Variants in DLL1 observed in about 807,000 individuals in gnomAD.
DLL1 encodes the protein delta like canonical Notch ligand 1.
In DLL1, 9 loss-of-function variants were observed where a neutral mutation model predicts 75.1. That is an observed-to-expected ratio of 0.12 (90% confidence interval 0.07 to 0.21). The LOEUF (loss-of-function observed/expected upper bound fraction) is 0.21. Among genes scored for constraint, DLL1 ranks in the 10% least tolerant of loss-of-function variants. DLL1 has a pLI of 1.00. For synonymous variants in DLL1, 477 were observed against 418.3 expected (o/e 1.14, Z -1.71); for missense variants, 837 against 1,007.6 (o/e 0.83, Z 2.29).
chr6:170,290,109 C>A lies in DLL1; in HGVS notation c.31G>T (p.Val11Leu). The A allele has an allele frequency of 6.3e-7, 1 of 1,592,090 alleles. No individual in the cohort carries two copies. Among genetic ancestry groups the A allele is most frequent in the Non-Finnish European group, 8.5e-7 (1 of 1,177,142 alleles). Reference protein sequence around the residue: MGSRCALALAVLSALLCQVWS... With the variant: MGSRCALALALLSALLCQVWS... ...ACCTGACACAGCAAGGCCGAGAGCA[C>A]CGCCAGGGCCAGCGCGCACCGACTG... is the stretch of plus-strand genomic sequence containing the variant. The change falls in exon 1 of 11, where the codon GTG (valine) becomes TTG (leucine). Residue 11 changes from valine (V) to leucine (L), a missense_variant. This residue lies in a region of DLL1 where 304 missense variants were observed against 461.9 expected (regional missense o/e 0.66). Transcript: ENST00000366756. The surrounding 1 kb of genome is among the most constrained non-coding windows in gnomAD (Gnocchi z 4.7).
In DLL1 at chr6:170,285,317, G is replaced by T. The variant is rs1401212987; in HGVS notation, c.969C>A (p.Ala323=). Residue 323 remains alanine, a synonymous_variant, in exon 7 of 11, where the codon GCC becomes GCA. Coordinates refer to ENST00000366756, the MANE Select transcript of DLL1 (RefSeq NM_005618.4). ...TCSCRPGYTG[A]TCELGIDECD... is the part of the protein sequence containing the mutation. ...ACTCGTCAATCCCCAGCTCGCAGGT[G>T]GCACCTGTGTACCCAGGCCGGCAAG... The T allele has an allele frequency of 1.2e-6, 2 of 1,614,168 alleles. No individual in the cohort carries two copies. Among genetic ancestry groups the T allele is most frequent in the Non-Finnish European group, 1.7e-6 (2 of 1,180,034 alleles).
At position 170,283,080 on chromosome 6, in the gene DLL1, G is replaced by A. The variant is rs933645429; in HGVS notation, c.2074C>T (p.Pro692Ser). The change falls in exon 10 of 11, where the codon CCG (proline) becomes TCG (serine). Residue 692 changes from proline (P) to serine (S), a missense_variant. Pro to Ser is a moderately conservative substitution (Grantham distance 74). Around this residue, in one of 2 missense-constraint regions of DLL1, gnomAD observed 533 missense variants for 545.7 expected, o/e 0.98. Coordinates refer to ENST00000366756, the MANE Select transcript of DLL1 (RefSeq NM_005618.4). Reference protein sequence around the residue: ...RGGEASERKRPDSGCSTSKDT... With the variant: ...RGGEASERKRSDSGCSTSKDT... ...TTTGAAGTTGAACAGCCCGAGTCCGGCCTTTTTCTTTCAGATGCTTCTCCA... is the reference window on the plus strand; with the variant it reads ...TTTGAAGTTGAACAGCCCGAGTCCGACCTTTTTCTTTCAGATGCTTCTCCA... 2 of 1,614,128 alleles carry A rather than the reference G, an allele frequency of 1.2e-6. No individual in the cohort carries two copies. The highest frequency in any genetic ancestry group is 1.7e-6 in the Non-Finnish European group (2 of 1,180,046).
chr6:170,284,312 G>C (rs1413144665), intron 8 of DLL1, among the ~76,000 whole-genome samples: 2 of 152,158 alleles, frequency 1.3e-5, no homozygotes, highest in African/African-American at 4.8e-5. Context: ...CCGGGCAAGA[G>C]CATGTGCCAC....
rs1047013032 is a variant in DLL1, at chr6:170,282,714, C to T, written c.*160G>A. The T allele has an allele frequency of 8.1e-5, 100 of 1,231,282 alleles. 1 individual carries two copies. The highest frequency in any genetic ancestry group is 4.6e-4 in the Admixed American group (26 of 56,610). 76.3% of individuals were successfully genotyped at this position (1,231,282 alleles called of 1,614,324 possible). A position where few individuals can be genotyped will look rare whatever the true frequency, so the allele number is the denominator to read the frequency against. On this transcript the variant is annotated 3_prime_UTR_variant, in exon 11 of 11. Transcript: ENST00000366756. ...CGGGCCGCGACAGGCTGTCGGCAGG[C>T]GTCGAGGACCTCAGGAGGAGAACCT...
In DLL1 at chr6:170,282,565, T is replaced by A. The variant is rs948413949; in HGVS notation, c.*309A>T. On this transcript the variant is annotated 3_prime_UTR_variant, in exon 11 of 11. Coordinates refer to ENST00000366756, the MANE Select transcript of DLL1 (RefSeq NM_005618.4). ...AAGACTGGCTCATAAGAATCCAAAA[T>A]ATACACTCAGGCAGTGCATGCTTCT... is the stretch of plus-strand genomic sequence containing the variant. The A allele has an allele frequency of 2.8e-5, 15 of 543,654 alleles. No homozygotes were observed. Among genetic ancestry groups the A allele is most frequent in the Admixed American group, 1.3e-4 (4 of 30,024 alleles). The allele number at this position is 543,654 out of a possible 1,614,324, so 33.7% of individuals were successfully genotyped here. A position where few individuals can be genotyped will look rare whatever the true frequency, so the allele number is the denominator to read the frequency against.
chr6:170,283,812 G>C lies in DLL1; in HGVS notation c.1467C>G (p.Pro489=). ...SAPVSRCEHA[P]CHNGATCHER... ...CGTGGCAGGTGGCCCCATTGTGGCAGGGTGCGTGCTCGCACCTGCTGACGG... is the reference window on the plus strand; with the variant it reads ...CGTGGCAGGTGGCCCCATTGTGGCACGGTGCGTGCTCGCACCTGCTGACGG... The change falls in exon 9 of 11, where the codon CCC becomes CCG. Residue 489 remains proline (P), a synonymous_variant. Coordinates refer to ENST00000366756, the MANE Select transcript of DLL1 (RefSeq NM_005618.4). 3 of 1,594,280 alleles carry C rather than the reference G, an allele frequency of 1.9e-6. No homozygotes were observed. The highest frequency in any genetic ancestry group is 1.7e-6 in the Non-Finnish European group (2 of 1,173,716).
chr6:170,290,169 G>C lies in DLL1; in HGVS notation c.-30C>G. The C allele has an allele frequency of 6.3e-7, 1 of 1,587,166 alleles. No homozygotes were observed. ...CTTCGCTCCACGCGCGAGCCTGGGG[G>C]GCCCCCACTTCTCTCCTTAGAACAG... On this transcript the variant is annotated 5_prime_UTR_variant, in exon 1 of 11. Coordinates refer to ENST00000366756, the MANE Select transcript of DLL1 (RefSeq NM_005618.4). This position sits in a 1 kb window ranked among gnomAD's most constrained non-coding sequence, Gnocchi z 4.7.
chr6:170,289,760 T>G lies in DLL1; in HGVS notation c.103A>C (p.Lys35Gln), dbSNP rs759669321. Residue 35 changes from lysine to glutamine, a missense_variant, in exon 2 of 11, where the codon AAG becomes CAG. Around this residue, in one of 2 missense-constraint regions of DLL1, gnomAD observed 304 missense variants for 461.9 expected, o/e 0.66. Transcript: ENST00000366756. ...FELKLQEFVN[K>Q]KGLLGNRNCC... The stretch of plus-strand genomic sequence containing the variant: ...TTGCGGTTCCCCAGCAGCCCCTTCT[T>G]GTTGACGAACTCCTGCAGCTTCAGT... 3.9e-6 allele frequency: 6 copies of G among 1,554,578 alleles called. No homozygotes were observed. In the African/African-American group the frequency reaches 8.2e-5, roughly 21 times the overall value.
rs1202514390 is a variant in DLL1, at chr6:170,285,592, C to G, written c.839G>C (p.Trp280Ser). ...ACCCTGGTTGCAGAAAAGGCCCCCC[C>G]AGCCTTCCTGGCAGTTGCACTGCCA... ...QPWQCNCQEG[W>S]GGLFCNQDLN... Residue 280 changes from tryptophan to serine, a missense_variant, in exon 6 of 11, where the codon TGG (tryptophan) becomes TCG (serine). Coordinates refer to ENST00000366756, the MANE Select transcript of DLL1 (RefSeq NM_005618.4). 2 of 1,614,098 alleles carry G rather than the reference C, an allele frequency of 1.2e-6. No homozygotes were observed. The highest frequency in any genetic ancestry group is 1.7e-6 in the Non-Finnish European group (2 of 1,180,028).
At chr6:170,289,452 C>A in intron 2 of DLL1, 60 bp downstream of exon 2, 1 of 1,521,548 alleles carries the variant, frequency 6.6e-7, no homozygotes, top group Non-Finnish European at 8.8e-7. Flanking sequence ...GGGATCCCAG[C>A]GCGTCCTGCA....
intron 4 of DLL1, among the ~76,000 whole-genome samples, chr6:170,287,951 G>A (rs1783740501): frequency 6.6e-6 from 1 of 152,104 alleles, no homozygotes; most frequent in African/African-American, 2.4e-5. Context: ...GGGTAGCACT[G>A]GCTTTACTTC....
At position 170,282,806 on chromosome 6, in the gene DLL1, T is replaced by TG. The variant is rs1783588398; in HGVS notation, c.*67dup. 3 of 1,611,848 alleles carry TG rather than the reference T, an allele frequency of 1.9e-6. No individual in the cohort carries two copies. Among genetic ancestry groups the TG allele is most frequent in the Non-Finnish European group, 2.5e-6 (3 of 1,179,000 alleles). ...CTCCCTCCTCTTCAGCAGCATTCGT[T>TG]GGGGCATATATCCTTGGAATTTTAC... is the stretch of plus-strand genomic sequence containing the variant. On this transcript the variant is annotated 3_prime_UTR_variant, in exon 11 of 11. Transcript: ENST00000366756.
rs1783660540 is a variant in DLL1, at chr6:170,284,913, C to T, written c.1249+6G>A. ...GTCTCTGAGCAATCACCAGCTGCCC[C>T]CTTACCATTAGAACAGGGTGAAGAG... On this transcript the variant is annotated splice_donor_region_variant and intron_variant, in intron 8 of 10. Transcript: ENST00000366756. 1.9e-6 allele frequency: 3 copies of T among 1,613,492 alleles called. No homozygotes were observed. The highest frequency in any genetic ancestry group is 2.5e-6 in the Non-Finnish European group (3 of 1,179,984).
chr6:170,288,071 C>G (rs975146872), intron 4 of DLL1, 168 bp downstream of exon 4: 7 of 971,264 alleles, frequency 7.2e-6, no homozygotes, highest in African/African-American at 1.6e-5. Flanking sequence ...CCAACCCCCC[C>G]ACTGACGAGC....
rs372640222 is a variant in DLL1 at position 170,285,012 on chromosome 6, C to T, written c.1156G>A (p.Asp386Asn). Residue 386 changes from aspartate (D) to asparagine (N), a missense_variant, in exon 8 of 11, where the codon GAT becomes AAT. This residue lies in a region of DLL1 where 533 missense variants were observed against 545.7 expected (regional missense o/e 0.98). Transcript: ENST00000366756. ...FNGGRCSDSP[D>N]GGYSCRCPVG... The stretch of plus-strand genomic sequence containing the variant: ...GGGCAGCGGCAGCTGTACCCTCCAT[C>T]GGGGCTGTCTGAGCACCGACCCCCG... The T allele has an allele frequency of 1.6e-5, 26 of 1,614,008 alleles. No individual in the cohort carries two copies. Among genetic ancestry groups the T allele is most frequent in the East Asian group, 6.7e-5 (3 of 44,860 alleles).
Position 170,283,304 on chromosome 6 carries a change from T to C in DLL1, c.1975A>G (p.Ser659Gly), listed in dbSNP as rs1783605233. The change falls in exon 9 of 11, where the codon AGC (serine) becomes GGC (glycine). Residue 659 changes from serine to glycine, a missense_variant. Around this residue, in one of 2 missense-constraint regions of DLL1, gnomAD observed 533 missense variants for 545.7 expected, o/e 0.98. Coordinates refer to ENST00000366756, the MANE Select transcript of DLL1 (RefSeq NM_005618.4). The stretch of plus-strand genomic sequence containing the variant: ...GGCTGGCACTTGGTGTCACGCTTGC[T>C]GTGCGCGTCCCTGACGGCGGTGTCG... ...GDDTAVRDAH[S>G]KRDTKCQPQG... The C allele has an allele frequency of 1.9e-6, 3 of 1,613,214 alleles. No individual in the cohort carries two copies. The highest frequency in any genetic ancestry group is 1.1e-5 in the South Asian group (1 of 91,090).
chr6:170,287,542 T>C (rs1472779514), intron 4 of DLL1, among the ~76,000 whole-genome samples: 1 of 152,200 alleles, frequency 6.6e-6, no homozygotes, highest in African/African-American at 2.4e-5. Context: ...CTGCCTGCCA[T>C]GACATTGACA....
At chr6:170,288,578 A>G in intron 3 of DLL1, 82 bp from the exon 4 acceptor site, 5 of 1,613,030 alleles carry the variant, frequency 3.1e-6, no homozygotes, top group Non-Finnish European at 4.2e-6. Flanking sequence ...CGAGACATTC[A>G]GCACGGGAAG....
In DLL1 at chr6:170,283,532, A is replaced by C; in HGVS notation, c.1747T>G (p.Cys583Gly). The change falls in exon 9 of 11, where the codon TGC becomes GGC. Residue 583 changes from cysteine (C) to glycine (G), a missense_variant. Around this residue, in one of 2 missense-constraint regions of DLL1, gnomAD observed 533 missense variants for 545.7 expected, o/e 0.98. Coordinates refer to ENST00000366756, the MANE Select transcript of DLL1 (RefSeq NM_005618.4). ...LQKHRPPADP[C>G]RGETETMNNL... is the part of the protein sequence containing the mutation. ...TTCATGGTCTCCGTCTCCCCCCGGC[A>C]GGGGTCGGCTGGGGGCCGGTGCTTC... 1 of 1,610,208 alleles carries C rather than the reference A, an allele frequency of 6.2e-7. No homozygotes were observed. The highest frequency in any genetic ancestry group is 8.5e-7 in the Non-Finnish European group (1 of 1,178,874).
Sources: allele counts gnomAD v4.1 joint callset (sites outside exome capture counted in the v4.1 genomes callset), GRCh38; gene constraint gnomAD v4.1.1; regional missense constraint gnomAD v4.1.1; non-coding constraint Gnocchi (gnomAD v3.1); transcripts MANE v1.5; gene names NCBI Gene and HGNC (gene_info 2026-07-23, HGNC 2026-07-21).